Variants in MAGI2 observed in about 807,000 individuals in gnomAD.
MAGI2 encodes membrane associated guanylate kinase, WW and PDZ domain containing 2.
Under a neutral mutation model 133.3 loss-of-function variants are expected in MAGI2, and 35 were observed. The ratio of observed to expected loss-of-function variants is 0.26; its 90% confidence interval spans 0.20 to 0.35. The LOEUF (loss-of-function observed/expected upper bound fraction) is 0.35. Among genes scored for constraint, MAGI2 ranks in the 10% least tolerant of loss-of-function variants. The probability of loss-of-function intolerance (pLI) is 1.00; values close to 1 mark genes in which losing one functional copy is unlikely to be tolerated. For missense variants in MAGI2, 1,636 were observed against 1,863.4 expected (o/e 0.88, Z 2.25); for synonymous variants, 729 against 710.6 (o/e 1.03, Z -0.41).
At chr7:79,399,110 T>TTTTTG (rs1554471869) in intron 1 of MAGI2, among the ~76,000 whole-genome samples, 1 of 146,206 alleles carries the variant, frequency 6.8e-6, no homozygotes, top group African/African-American at 2.6e-5. Flanking sequence ...TTTTTTTTTT[T>TTTTTG]GGGAGATGGA....
At chr7:78,142,829 A>G (rs1270127614) in intron 16 of MAGI2, among the ~76,000 whole-genome samples, 1 of 152,154 alleles carries the variant, frequency 6.6e-6, no homozygotes, top group Non-Finnish European at 1.5e-5. Context: ...GAGAGAATGA[A>G]AAAACATTTC....
intron 1 of MAGI2, among the ~76,000 whole-genome samples, chr7:79,168,921 T>TATAG: frequency 1.3e-5 from 1 of 75,248 alleles, no homozygotes; most frequent in African/African-American, 3.8e-5. Flanking sequence ...TATATATATA[T>TATAG]ATATATATAT....
intron 3 of MAGI2, among the ~76,000 whole-genome samples, chr7:78,584,185 G>A (rs1803145306): frequency 1.3e-5 from 2 of 152,182 alleles, no homozygotes; most frequent in Admixed American, 1.3e-4. Context: ...ACTTTGGGAG[G>A]CAGAGGCAGG....
chr7:79,320,422 C>T (rs1022210554), intron 1 of MAGI2, among the ~76,000 whole-genome samples: 2 of 151,076 alleles, frequency 1.3e-5, no homozygotes, highest in African/African-American at 2.5e-5. Context: ...GAATATTTCT[C>T]CAATTTGCCC....
intron 1 of MAGI2, among the ~76,000 whole-genome samples, chr7:79,071,705 C>G (rs1412998151): frequency 6.6e-6 from 1 of 151,736 alleles, no homozygotes; most frequent in African/African-American, 2.4e-5. Flanking sequence ...CGCGGCCTTA[C>G]GGAGCTGTGG....
At chr7:78,724,955 G>C (rs753638889) in intron 2 of MAGI2, among the ~76,000 whole-genome samples, 71 of 152,146 alleles carry the variant, frequency 4.7e-4, no homozygotes, top group Non-Finnish European at 9.4e-4. Context: ...AATATTCAGT[G>C]AAGATTTTTG....
chr7:78,360,529 A>G lies in MAGI2; in HGVS notation c.1103+8627T>C, dbSNP rs892632194. Among the ~76,000 whole-genome samples the G allele has an allele frequency of 3.3e-5, 5 of 152,244 alleles. No homozygotes were observed. The South Asian group carries it at 6.2e-4, about 19-fold the overall frequency. On this transcript the variant is annotated intron_variant, in intron 7 of 21. Transcript: ENST00000354212. ...ACGCACAAGAAGCAGAGCATGTTTA[A>G]TCTCGAGAGAGGAAAACTAATAAGC...
chr7:78,635,006 G>A (rs943993908), intron 2 of MAGI2, among the ~76,000 whole-genome samples: 1 of 152,090 alleles, frequency 6.6e-6, no homozygotes, highest in African/African-American at 2.4e-5. Context: ...TTGAGGCTTT[G>A]TTTCATCTTT....
At chr7:78,393,323 G>A (rs1796067422) in intron 6 of MAGI2, among the ~76,000 whole-genome samples, 1 of 152,208 alleles carries the variant, frequency 6.6e-6, no homozygotes, top group Non-Finnish European at 1.5e-5. Context: ...GTGATGCAAA[G>A]CAGCGGCAAC....
intron 2 of MAGI2, among the ~76,000 whole-genome samples, chr7:78,714,499 C>T (rs1472720441): frequency 6.6e-6 from 1 of 152,148 alleles, no homozygotes; most frequent in Non-Finnish European, 1.5e-5. Flanking sequence ...TTCCTATTCA[C>T]TTAAGCTCTT....
intron 1 of MAGI2, among the ~76,000 whole-genome samples, chr7:79,345,710 G>T (rs1212157994): frequency 6.6e-6 from 1 of 151,152 alleles, no homozygotes; most frequent in Non-Finnish European, 1.5e-5. Context: ...AATAAACTTT[G>T]TTAAAAATAA....
intron 2 of MAGI2, among the ~76,000 whole-genome samples, chr7:78,757,397 T>A (rs895733605): frequency 3.3e-5 from 5 of 151,950 alleles, no homozygotes; most frequent in Non-Finnish European, 5.9e-5. Context: ...AAATTTTTCA[T>A]TTAGCTTAAA....
chr7:78,881,781 G>A (rs539974675), intron 2 of MAGI2, among the ~76,000 whole-genome samples: 4 of 151,860 alleles, frequency 2.6e-5, no homozygotes, highest in Middle Eastern at 3.4e-3. Context: ...ATATCAAAAC[G>A]TGTGAGATGC....
At chr7:78,205,638 T>C (rs931393971) in intron 10 of MAGI2, among the ~76,000 whole-genome samples, 1 of 152,364 alleles carries the variant, frequency 6.6e-6, no homozygotes, top group Middle Eastern at 3.4e-3. Context: ...AAATTATTCA[T>C]TGTTTGAAAT....
At position 78,739,984 on chromosome 7, in the gene MAGI2, C is replaced by T. The variant is rs1377170262; in HGVS notation, c.419-112745G>A. Among the ~76,000 whole-genome samples the T allele has an allele frequency of 2.0e-5, 3 of 151,980 alleles. No homozygotes were observed. In the East Asian group the frequency reaches 5.8e-4, roughly 29 times the overall value. The stretch of plus-strand genomic sequence containing the variant: ...CCATCCTGGCTAACACGGTGAAACC[C>T]CGTTTCTACTAAAAAGAATACAAAA... On this transcript the variant is annotated intron_variant, in intron 2 of 21. Transcript: ENST00000354212.
At chr7:78,279,121 T>G (rs954806287) in intron 9 of MAGI2, among the ~76,000 whole-genome samples, 1 of 152,192 alleles carries the variant, frequency 6.6e-6, no homozygotes, top group African/African-American at 2.4e-5. Flanking sequence ...TTTTTAGTCC[T>G]TTACTTACTT....
chr7:78,736,673 C>T (rs1309045059), intron 2 of MAGI2, among the ~76,000 whole-genome samples: 1 of 152,026 alleles, frequency 6.6e-6, no homozygotes, highest in Non-Finnish European at 1.5e-5. Flanking sequence ...TATTTGCATG[C>T]TGGTACAGAA....
intron 2 of MAGI2, among the ~76,000 whole-genome samples, chr7:78,692,073 T>G (rs1025087359): frequency 6.6e-5 from 10 of 151,986 alleles, no homozygotes; most frequent in Admixed American, 2.6e-4. Context: ...AAAAATAAGG[T>G]CTTTAAAAAA....
At chr7:78,830,580 A>G (rs1012540513) in intron 2 of MAGI2, among the ~76,000 whole-genome samples, 3 of 152,190 alleles carry the variant, frequency 2.0e-5, no homozygotes, top group African/African-American at 7.2e-5. Context: ...GGTTAAAATA[A>G]TATGTATTTT....
Sources: gnomAD v4.1 joint callset for allele counts (sites outside exome capture counted in the v4.1 genomes callset) on GRCh38, gnomAD v4.1.1 for gene constraint, MANE v1.5 for transcripts, NCBI Gene and HGNC (gene_info 2026-07-23, HGNC 2026-07-21) for gene names.